ATP8B4: variants seen among roughly 807,000 people sequenced by gnomAD.
ATP8B4 encodes the protein ATPase phospholipid transporting 8B4 (putative).
ATP8B4 carries 133 observed loss-of-function variants against 145.6 expected under a neutral mutation model. The observed-to-expected ratio is 0.91, with a 90% CI of 0.79 to 1.05. The LOEUF is 1.05. Among genes scored for constraint, ATP8B4 ranks in the 50% least tolerant of loss-of-function variants. ATP8B4 has a pLI of 0.00. For missense variants in ATP8B4, 1,458 were observed against 1,425.2 expected (o/e 1.02, Z -0.37); for synonymous variants, 507 against 492.9 (o/e 1.03, Z -0.38).
chr15:50,130,618 T>C (rs1046094727), intron 1 of ATP8B4, among the ~76,000 whole-genome samples: 3 of 151,650 alleles, frequency 2.0e-5, no homozygotes, highest in Admixed American at 6.6e-5. Context: ...CTACTAAAAA[T>C]ATAAAAAATT....
At chr15:50,132,088 C>A (rs1211783208) in intron 1 of ATP8B4, among the ~76,000 whole-genome samples, 1 of 151,844 alleles carries the variant, frequency 6.6e-6, no homozygotes, top group Non-Finnish European at 1.5e-5. Context: ...AACAATTGGC[C>A]TGTGGTTTGG....
chr15:50,047,035 A>T (rs1470073258), intron 4 of ATP8B4, among the ~76,000 whole-genome samples: 1 of 152,156 alleles, frequency 6.6e-6, no homozygotes, highest in Non-Finnish European at 1.5e-5. Context: ...CAATCCCCAC[A>T]CTGTAGATGT....
intron 4 of ATP8B4, 139 bp from the exon 5 acceptor site, chr15:50,044,831 G>T: frequency 1.7e-6 from 1 of 586,790 alleles, no homozygotes; most frequent in Non-Finnish European, 2.9e-6. Flanking sequence ...TAATTTAAGT[G>T]TTTGTATTTG....
At chr15:49,887,302 G>A (rs368372018) in intron 23 of ATP8B4, among the ~76,000 whole-genome samples, 197 of 151,992 alleles carry the variant, frequency 1.3e-3, no homozygotes, top group African/African-American at 4.2e-3. Context: ...CAACCTCCCT[G>A]TTTCTCCCCT....
chr15:50,156,079 T>G (rs1595654487), intron 1 of ATP8B4, among the ~76,000 whole-genome samples: 1 of 7,428 alleles, frequency 1.3e-4, no homozygotes, highest in South Asian at 4.2e-3. Flanking sequence ...AATAAATATA[T>G]ATATATATAT....
chr15:50,061,685 G>A (rs967097511), intron 3 of ATP8B4, among the ~76,000 whole-genome samples: 2 of 152,182 alleles, frequency 1.3e-5, no homozygotes, highest in Non-Finnish European at 2.9e-5. Flanking sequence ...TACTTAACAT[G>A]TGACTGGCAC....
chr15:49,930,162 G>A (rs1457342379), intron 16 of ATP8B4, among the ~76,000 whole-genome samples: 3 of 152,038 alleles, frequency 2.0e-5, no homozygotes, highest in Admixed American at 2.0e-4. Context: ...AATGGGACTG[G>A]AAAAACCTTC....
intron 6 of ATP8B4, among the ~76,000 whole-genome samples, chr15:50,018,064 T>C (rs192402562): frequency 5.2e-4 from 78 of 150,556 alleles, no homozygotes; most frequent in African/African-American, 1.8e-3. Flanking sequence ...CTTGGCTCAC[T>C]GCACCCTTGA....
chr15:49,873,752 C>CACATCCCACCTTCTGAGGCCATGCAGT (rs1311258673), intron 25 of ATP8B4, among the ~76,000 whole-genome samples: 1 of 152,152 alleles, frequency 6.6e-6, no homozygotes, highest in Non-Finnish European at 1.5e-5. Flanking sequence ...GCGACCGCAG[C>CACATCCCACCTTCTGAGGCCATGCAGT]ACATCCCACC....
intron 5 of ATP8B4, among the ~76,000 whole-genome samples, chr15:50,041,871 C>T (rs545259788): frequency 1.7e-4 from 26 of 152,120 alleles, no homozygotes; most frequent in African/African-American, 5.8e-4. Flanking sequence ...ACCCGGGAGG[C>T]GGAGGTTGCA....
intron 3 of ATP8B4, among the ~76,000 whole-genome samples, chr15:50,048,245 A>G (rs963034652): frequency 6.6e-6 from 1 of 151,984 alleles, no homozygotes; most frequent in African/African-American, 2.4e-5. Flanking sequence ...AAATTTGCAT[A>G]TTAATGCCAT....
At chr15:49,992,356 C>T (rs1350069074) in intron 9 of ATP8B4, among the ~76,000 whole-genome samples, 6 of 152,172 alleles carry the variant, frequency 3.9e-5, no homozygotes, top group African/African-American at 1.4e-4. Context: ...AAAAGTAAGG[C>T]CTGAGCCTGA....
chr15:49,916,476 C>A (rs2039751445), intron 20 of ATP8B4, among the ~76,000 whole-genome samples: 1 of 152,162 alleles, frequency 6.6e-6, no homozygotes, highest in South Asian at 2.1e-4. Flanking sequence ...GTTTCCCAAA[C>A]TTATCTGATC....
At chr15:50,024,883 G>A (rs2049886916) in intron 6 of ATP8B4, among the ~76,000 whole-genome samples, 1 of 152,096 alleles carries the variant, frequency 6.6e-6, no homozygotes. Flanking sequence ...CAATAACACA[G>A]AACACTAGGG....
At chr15:50,166,743 A>G (rs1236512463) in intron 1 of ATP8B4, among the ~76,000 whole-genome samples, 2 of 152,230 alleles carry the variant, frequency 1.3e-5, no homozygotes, top group African/African-American at 2.4e-5. Context: ...CTGGGAACAC[A>G]GTTGAGTCTA....
chr15:49,914,030 A>C (rs1056328044), intron 20 of ATP8B4, among the ~76,000 whole-genome samples: 1 of 152,224 alleles, frequency 6.6e-6, no homozygotes, highest in African/African-American at 2.4e-5. Flanking sequence ...AGCAATCCTG[A>C]CCAAAAAGAA....
chr15:50,149,639 T>G (rs1171800305), intron 1 of ATP8B4, among the ~76,000 whole-genome samples: 2 of 152,116 alleles, frequency 1.3e-5, no homozygotes, highest in Non-Finnish European at 2.9e-5. Context: ...AGAATGAAAT[T>G]CTAATAGAGG....
intron 3 of ATP8B4, among the ~76,000 whole-genome samples, chr15:50,050,850 G>C (rs1174075832): frequency 6.6e-6 from 1 of 151,966 alleles, no homozygotes; most frequent in Non-Finnish European, 1.5e-5. Flanking sequence ...GAGAAATTTG[G>C]GGTGACAGAT....
chr15:50,042,800 G>A (rs2051403037), intron 5 of ATP8B4, among the ~76,000 whole-genome samples: 1 of 151,968 alleles, frequency 6.6e-6, no homozygotes, highest in African/African-American at 2.4e-5. Context: ...AAACAACCAT[G>A]AAAAAGTATG....
Sources: gnomAD v4.1 joint callset for allele counts (sites outside exome capture counted in the v4.1 genomes callset) on GRCh38, gnomAD v4.1.1 for gene constraint, MANE v1.5 for transcripts, NCBI Gene and HGNC (gene_info 2026-07-23, HGNC 2026-07-21) for gene names.